Variants in ARHGEF4 observed in about 807,000 individuals in gnomAD.
ARHGEF4 encodes the protein APC-stimulated guanine nucleotide exchange factor 1.
Under a neutral mutation model 162.0 loss-of-function variants are expected in ARHGEF4, and 119 were observed. The ratio of observed to expected loss-of-function variants is 0.73; its 90% CI spans 0.63 to 0.86. The LOEUF (loss-of-function observed/expected upper bound fraction) is 0.86, where lower values mean the gene tolerates loss of function less well. Ranked by LOEUF, ARHGEF4 falls within the 40% of genes least tolerant of loss-of-function variation. The pLI, the probability that ARHGEF4 is intolerant of heterozygous loss-of-function variation, is 0.00. For synonymous variants in ARHGEF4, 1,014 were observed against 979.9 expected (o/e 1.03, Z -0.65); for missense variants, 2,488 against 2,456.0 (o/e 1.01, Z -0.28).
At chr2:131,043,316 C>CG in intron 10 of ARHGEF4, 136 bp from the exon 11 acceptor site, 1 of 1,195,624 alleles carries the variant, frequency 8.4e-7, no homozygotes, top group Non-Finnish European at 1.2e-6. Flanking sequence ...CTTCCTCCCC[C>CG]TCCCACCATG....
rs1681441296 is a variant in ARHGEF4 at position 130,915,714 on chromosome 2, A to G, written c.1768A>G (p.Lys590Glu). 6.5e-7 allele frequency: 1 copy of G among 1,549,850 alleles called. No homozygotes were observed. The highest frequency in any genetic ancestry group is 8.7e-7 in the Non-Finnish European group (1 of 1,146,644). ...GGCTTTGCAAGGTCTTTCAGAATTC[A>G]AGGCAGCCACGGTGTCTCACTGCGG... ...EQALQGLSEF[K>E]AATVSHCGPG... The change falls in exon 2 of 14, where the codon AAG becomes GAG. Residue 590 changes from lysine (K) to glutamate (E), a missense_variant. Transcript: ENST00000409359.
At position 130,915,904 on chromosome 2, in the gene ARHGEF4, A is replaced by G. The variant is rs1681455566; in HGVS notation, c.1958A>G (p.Glu653Gly). Residue 653 changes from glutamate (E) to glycine (G), a missense_variant, in exon 2 of 14, where the codon GAA becomes GGA. By Grantham distance (98) the Glu-to-Gly change is moderately conservative. This residue lies in a region of ARHGEF4 where 1,642 missense variants were observed against 1,481.5 expected (regional missense o/e 1.11). Transcript: ENST00000409359. ...ASRSNAGPVP[E>G]TLPRDFPKER... ...AGGAGCAATGCGGGGCCTGTTCCAGAAACACTGCCCCGTGACTTTCCTAAG... is the reference window on the plus strand; with the variant it reads ...AGGAGCAATGCGGGGCCTGTTCCAGGAACACTGCCCCGTGACTTTCCTAAG... 2.6e-6 allele frequency: 4 copies of G among 1,550,318 alleles called. No individual in the cohort carries two copies. The highest frequency in any genetic ancestry group is 3.5e-6 in the Non-Finnish European group (4 of 1,146,960).
chr2:130,874,493 A>T (rs62162126), intron 1 of ARHGEF4, among the ~76,000 whole-genome samples: 5,617 of 152,342 alleles, frequency 0.037, 123 homozygotes, highest in Middle Eastern at 0.082. Flanking sequence ...AAATAAACAA[A>T]GTCTGCTCAA....
intron 1 of ARHGEF4, among the ~76,000 whole-genome samples, chr2:130,887,341 A>C (rs547487766): frequency 2.0e-5 from 3 of 152,072 alleles, no homozygotes; most frequent in Admixed American, 1.3e-4. Context: ...CAAAAAAAAA[A>C]CAAAAAGGCT....
At chr2:130,965,897 G>A (rs1251262548) in intron 4 of ARHGEF4, among the ~76,000 whole-genome samples, 5 of 152,170 alleles carry the variant, frequency 3.3e-5, no homozygotes, top group Non-Finnish European at 7.4e-5. Context: ...GGTGGGGAAG[G>A]AGGACAGGGT....
At chr2:131,033,306 G>A (rs1689996340) in intron 5 of ARHGEF4, among the ~76,000 whole-genome samples, 1 of 152,328 alleles carries the variant, frequency 6.6e-6, no homozygotes, top group South Asian at 2.1e-4. Flanking sequence ...CTCAGTCAGG[G>A]GTGCTTCAGC....
chr2:130,850,142 C>T (rs1010813255), intron 1 of ARHGEF4, among the ~76,000 whole-genome samples: 2 of 152,228 alleles, frequency 1.3e-5, no homozygotes, highest in African/African-American at 2.4e-5. Context: ...AAGCAGCCCA[C>T]GTTTCTAGGG....
At chr2:131,043,397 G>A in intron 10 of ARHGEF4, 55 bp from the exon 11 acceptor site, 1 of 1,607,040 alleles carries the variant, frequency 6.2e-7, no homozygotes, top group Non-Finnish European at 8.5e-7. Flanking sequence ...GGGGCAGGAA[G>A]TGGAGCCCAC....
intron 1 of ARHGEF4, among the ~76,000 whole-genome samples, chr2:130,883,392 A>G (rs1242087186): frequency 6.6e-6 from 1 of 152,094 alleles, no homozygotes; most frequent in African/African-American, 2.4e-5. Context: ...ATGCCGGAGC[A>G]GTGTGCTCAC....
intron 5 of ARHGEF4, among the ~76,000 whole-genome samples, chr2:131,034,147 C>T: frequency 6.6e-6 from 1 of 152,292 alleles, no homozygotes; most frequent in Admixed American, 6.5e-5. Context: ...ACCCAGTCTG[C>T]ACACATTCCC....
intron 1 of ARHGEF4, among the ~76,000 whole-genome samples, chr2:130,839,370 G>A (rs1347447197): frequency 6.6e-6 from 1 of 152,144 alleles, no homozygotes; most frequent in Admixed American, 6.6e-5. Flanking sequence ...ACTTCATTCT[G>A]GGAACCTCAG....
Position 130,917,077 on chromosome 2 carries a change from C to CAGG in ARHGEF4, c.3132_3134dup (p.Gly1045dup). 6.4e-7 allele frequency: 1 copy of CAGG among 1,550,696 alleles called. No individual in the cohort carries two copies. The highest frequency in any genetic ancestry group is 1.2e-5 in the South Asian group (1 of 84,056). On this transcript the variant is annotated inframe_insertion, in exon 2 of 14. Coordinates refer to ENST00000409359, the MANE Select transcript of ARHGEF4 (RefSeq NM_001367493.1). The stretch of plus-strand genomic sequence containing the variant: ...CAGGAAGGCGGTAGGTACCTACCTT[C>CAGG]AGGTATCTTTCCGGAAAAGTCCTGG...
intron 4 of ARHGEF4, among the ~76,000 whole-genome samples, chr2:130,988,887 TATATATATATATATAGAGAGAG>T (rs1253199906): frequency 3.3e-4 from 37 of 113,090 alleles, no homozygotes; most frequent in African/African-American, 1.0e-3. Flanking sequence ...TATATATATA[TATATATATATATATAGAGAGAG>T]AGAGAGAGAG....
At chr2:130,988,765 A>G (rs906151907) in intron 4 of ARHGEF4, among the ~76,000 whole-genome samples, 2 of 151,988 alleles carry the variant, frequency 1.3e-5, no homozygotes, top group African/African-American at 2.4e-5. Context: ...TGTAATCAAT[A>G]TACTATTGTT....
At chr2:131,001,891 C>T (rs1466392933) in intron 4 of ARHGEF4, among the ~76,000 whole-genome samples, 1 of 152,108 alleles carries the variant, frequency 6.6e-6, no homozygotes, top group Non-Finnish European at 1.5e-5. Context: ...CAGAGATTTG[C>T]CTCTGGAGAG....
In ARHGEF4 at chr2:130,916,707, GA is replaced by G. The variant is rs1173341294; in HGVS notation, c.2762del (p.Glu921GlyfsTer3). On this transcript the variant is annotated frameshift_variant, in exon 2 of 14. Transcript: ENST00000409359. LOFTEE classifies it high-confidence loss of function. The stretch of plus-strand genomic sequence containing the variant: ...TCATAAGACCTTTTCAAACTTTATT[GA>G]GTCAATAGTTCTAGAGAAAGAGAAC... ...LAHKTFSNFI[E>X]SIVLEKENTH... 1 of 1,550,660 alleles carries G rather than the reference GA, an allele frequency of 6.4e-7. No individual in the cohort carries two copies. Among genetic ancestry groups the G allele is most frequent in the East Asian group, 2.4e-5 (1 of 40,900 alleles).
chr2:131,015,945 C>T (rs939129090), intron 4 of ARHGEF4, among the ~76,000 whole-genome samples: 2 of 152,232 alleles, frequency 1.3e-5, no homozygotes, highest in African/African-American at 2.4e-5. Context: ...AGTCCCGCAG[C>T]GCAGAGCCAC....
intron 3 of ARHGEF4, among the ~76,000 whole-genome samples, chr2:130,939,437 G>A (rs1279859405): frequency 1.3e-5 from 2 of 152,094 alleles, no homozygotes; most frequent in Non-Finnish European, 2.9e-5. Context: ...GTTTGGTACT[G>A]TCGATCCATG....
chr2:131,001,302 CAAAAA>C (rs70994730), intron 4 of ARHGEF4, among the ~76,000 whole-genome samples: 13 of 31,156 alleles, frequency 4.2e-4, no homozygotes, highest in Non-Finnish European at 7.3e-4. Context: ...GACTGTGTCT[CAAAAA>C]AAAAAAAAAA....
Sources: gnomAD v4.1 joint callset for allele counts (sites outside exome capture counted in the v4.1 genomes callset) on GRCh38, gnomAD v4.1.1 for gene constraint, gnomAD v4.1.1 regional missense constraint, MANE v1.5 for transcripts, NCBI Gene and HGNC (gene_info 2026-07-23, HGNC 2026-07-21) for gene names.